Variants in SOS2 observed in about 807,000 individuals in gnomAD.
SOS2 encodes son of sevenless homolog 2.
SOS2 carries 65 observed loss-of-function variants against 148.2 expected under a neutral mutation model. The observed-to-expected ratio is 0.44, with a 90% confidence interval of 0.36 to 0.54. The LOEUF is 0.54. Among genes scored for constraint, SOS2 ranks in the 20% least tolerant of loss-of-function variants. The pLI is 0.00. For synonymous variants in SOS2, 539 were observed against 537.1 expected (o/e 1.00, Z -0.05); for missense variants, 1,341 against 1,590.2 (o/e 0.84, Z 2.67).
At chr14:50,208,130 T>C (rs955091351) in intron 1 of SOS2, among the ~76,000 whole-genome samples, 2 of 151,920 alleles carry the variant, frequency 1.3e-5, no homozygotes, top group African/African-American at 4.8e-5. Context: ...ATCCCATCTC[T>C]ACTAAAAATA....
rs2139604206 is a variant in SOS2 at position 50,153,051 on chromosome 14, A to C, written c.2161+19T>G. 2.5e-6 allele frequency: 3 copies of C among 1,217,222 alleles called. No individual in the cohort carries two copies. The East Asian group carries it at 7.1e-5, about 29-fold the overall frequency. The allele number at this position is 1,217,222 out of a possible 1,614,324, so 75.4% of individuals were successfully genotyped here. The stretch of plus-strand genomic sequence containing the variant: ...CTCATGTTCAATATAAGATTCAATC[A>C]AACCTTTATATAATATACCTCTTAC... On this transcript the variant is annotated intron_variant, in intron 13 of 22. Coordinates refer to ENST00000216373, the MANE Select transcript of SOS2 (RefSeq NM_006939.4).
chr14:50,142,895 A>T (rs1352127625), intron 16 of SOS2, among the ~76,000 whole-genome samples: 3 of 152,234 alleles, frequency 2.0e-5, no homozygotes, highest in Non-Finnish European at 4.4e-5. Flanking sequence ...GAAAGATTGT[A>T]AAAACGCACA....
chr14:50,125,784 C>G (rs541631673), intron 21 of SOS2, among the ~76,000 whole-genome samples: 1 of 152,240 alleles, frequency 6.6e-6, no homozygotes, highest in South Asian at 2.1e-4. Flanking sequence ...CTTAGTGAGG[C>G]CAGGCAATGA....
intron 6 of SOS2, among the ~76,000 whole-genome samples, chr14:50,182,139 T>A (rs1352788817): frequency 6.6e-6 from 1 of 152,162 alleles, no homozygotes; most frequent in Non-Finnish European, 1.5e-5. Context: ...ATCAGTTAAA[T>A]CTTAAATATC....
intron 9 of SOS2, among the ~76,000 whole-genome samples, chr14:50,161,105 C>T (rs575958145): frequency 2.6e-5 from 4 of 151,922 alleles, no homozygotes; most frequent in East Asian, 3.9e-4. Flanking sequence ...CCAGTCTGGC[C>T]GACGCGGTAA....
chr14:50,225,724 A>G (rs1425806060), intron 1 of SOS2, among the ~76,000 whole-genome samples: 1 of 152,182 alleles, frequency 6.6e-6, no homozygotes, highest in Admixed American at 6.5e-5. Context: ...CAAAAATCAC[A>G]GGATCTCTTA....
intron 12 of SOS2, among the ~76,000 whole-genome samples, chr14:50,153,980 T>C (rs914284546): frequency 6.3e-5 from 9 of 142,248 alleles, no homozygotes; most frequent in African/African-American, 2.5e-4. Flanking sequence ...AAGACAAAAA[T>C]AGAACTGTTT....
chr14:50,137,572 T>G (rs775658401), intron 18 of SOS2, among the ~76,000 whole-genome samples: 1 of 152,210 alleles, frequency 6.6e-6, no homozygotes, highest in African/African-American at 2.4e-5. Context: ...TGCTATCTAC[T>G]GATTAATTTT....
chr14:50,195,946 GA>G (rs1399604167), intron 4 of SOS2, among the ~76,000 whole-genome samples: 1 of 152,146 alleles, frequency 6.6e-6, no homozygotes, highest in East Asian at 1.9e-4. Context: ...AGAATTGCTT[GA>G]ACCTGGGAGG....
At chr14:50,172,431 TTTC>T (rs1041667326) in intron 8 of SOS2, among the ~76,000 whole-genome samples, 4 of 141,274 alleles carry the variant, frequency 2.8e-5, no homozygotes, top group African/African-American at 5.2e-5. Flanking sequence ...TTTTTTTTTT[TTTC>T]TGAGATGGAG....
At chr14:50,231,693 C>T, upstream of SOS2, 2 of 164,948 alleles carry the variant, frequency 1.2e-5, no homozygotes, top group Non-Finnish European at 2.6e-5. Context: ...GCGGCGGCGG[C>T]GGCGGCTGCT....
chr14:50,151,625 A>G (rs1884666138), intron 13 of SOS2, among the ~76,000 whole-genome samples: 2 of 152,262 alleles, frequency 1.3e-5, no homozygotes, highest in African/African-American at 2.4e-5. Context: ...AACTTTGGAC[A>G]TTAACATAAC....
At chr14:50,124,612 C>A (rs1174396136) in intron 21 of SOS2, among the ~76,000 whole-genome samples, 1 of 151,996 alleles carries the variant, frequency 6.6e-6, no homozygotes, top group African/African-American at 2.4e-5. Context: ...TGCCTTTTAC[C>A]ATAGGCTTGC....
chr14:50,183,209 C>A (rs1319152723), intron 5 of SOS2, among the ~76,000 whole-genome samples: 1 of 152,054 alleles, frequency 6.6e-6, no homozygotes, highest in Non-Finnish European at 1.5e-5. Context: ...ACACCCATGA[C>A]CCTCAGAGGT....
chr14:50,190,393 C>T (rs936337593), intron 4 of SOS2, among the ~76,000 whole-genome samples: 11 of 152,178 alleles, frequency 7.2e-5, no homozygotes, highest in Middle Eastern at 3.2e-3. Flanking sequence ...AACTGTACCA[C>T]ATGTTGGTAA....
intron 1 of SOS2, among the ~76,000 whole-genome samples, chr14:50,228,924 T>C (rs181098631): frequency 1.1e-4 from 16 of 152,312 alleles, no homozygotes; most frequent in African/African-American, 2.4e-4. Flanking sequence ...GCAACACCAA[T>C]TGAAGGAGAG....
rs1280940550 is a variant in SOS2, at chr14:50,178,826, C to T, written c.969+1746G>A. On this transcript the variant is annotated intron_variant, in intron 7 of 22. Transcript: ENST00000216373. ...TCGGCTCACTGCAACCTCCGCCTCCCGGGTTCAAGCAATTCTCCTGCCTCA... is the reference window on the plus strand; with the variant it reads ...TCGGCTCACTGCAACCTCCGCCTCCTGGGTTCAAGCAATTCTCCTGCCTCA... 6.6e-5 allele frequency among the ~76,000 whole-genome samples: 10 copies of T among 151,470 alleles called. 1 individual carries two copies. Among genetic ancestry groups the T allele is most frequent in the South Asian group, 4.2e-4 (2 of 4,796 alleles).
chr14:50,159,635 G>T lies in SOS2; in HGVS notation c.1648C>A (p.Arg550=), dbSNP rs1344304906. 3 of 1,613,380 alleles carry T rather than the reference G, an allele frequency of 1.9e-6. No individual in the cohort carries two copies. The highest frequency in any genetic ancestry group is 1.3e-5 in the African/African-American group (1 of 75,002). Residue 550 remains arginine, a synonymous_variant, in exon 10 of 23, where the codon CGA becomes AGA. Coordinates refer to ENST00000216373, the MANE Select transcript of SOS2 (RefSeq NM_006939.4). ...ISLHYRSTLD[R]MLDSVLLKEE... is the part of the protein sequence containing the mutation. ...TTCAATAATACTGAATCTAACATTC[G>T]ATCTAGAGTACTACGATAATGAAGA...
intron 11 of SOS2, among the ~76,000 whole-genome samples, chr14:50,157,980 A>G (rs1884872909): frequency 6.6e-6 from 1 of 152,082 alleles, no homozygotes; most frequent in Non-Finnish European, 1.5e-5. Context: ...ATGATCCCGT[A>G]TTTTCTAGAG....
Sources: gnomAD v4.1 joint callset for allele counts (sites outside exome capture counted in the v4.1 genomes callset) on GRCh38, gnomAD v4.1.1 for gene constraint, MANE v1.5 for transcripts, NCBI Gene and HGNC (gene_info 2026-07-23, HGNC 2026-07-21) for gene names.